BCOR: variants seen among roughly 807,000 people sequenced by gnomAD.
BCOR encodes the protein BCL6 corepressor.
BCOR carries 10 observed loss-of-function variants against 86.7 expected under a neutral mutation model. That is an observed-to-expected ratio of 0.12 (90% CI 0.07 to 0.20). The LOEUF (loss-of-function observed/expected upper bound fraction) is 0.20. BCOR is among the 10% of genes least tolerant of loss of function. BCOR has a pLI of 1.00. For synonymous variants in BCOR, 611 were observed against 609.0 expected, an observed-to-expected ratio of 1.00 and a Z score of -0.05; for missense variants, 1,259 against 1,452.1, an observed-to-expected ratio of 0.87 and a Z score of 2.16.
chrX:40,052,554 C>CTTTTTTTTTTTTTTTTTTTTT (rs1569138726), intron 14 of BCOR, among the ~76,000 whole-genome samples, 154 bp from the exon 15 acceptor site: 1 of 91,845 alleles, frequency 1.1e-5, no homozygotes. Flanking sequence ...CTCTGATCAC[C>CTTTTTTTTTTTTTTTTTTTTT]ATTTTTTTTT....
At chrX:40,103,649 C>T (rs1239700482) in intron 1 of BCOR, among the ~76,000 whole-genome samples, 1 of 99,550 alleles carries the variant, frequency 1.0e-5, no homozygotes, top group Non-Finnish European at 1.9e-5. Context: ...ATTCTGCCAC[C>T]CTTGCTTCCC....
intron 1 of BCOR, among the ~76,000 whole-genome samples, chrX:40,161,084 C>G (rs912439758): frequency 6.6e-4 from 71 of 107,745 alleles, no homozygotes; most frequent in Non-Finnish European, 1.2e-3. Flanking sequence ...TCACTGCAGC[C>G]TTGACCTCTG....
rs775358295 is a variant in BCOR, at chrX:40,063,624, G to C, written c.3831C>G (p.Pro1277=). The C allele has an allele frequency of 8.3e-7, 1 of 1,210,748 alleles. No individual in the cohort carries two copies. Residue 1277 remains proline, a synonymous_variant, in exon 8 of 15, where the codon CCC becomes CCG. Transcript: ENST00000378444. The part of the protein sequence containing the change: ...NRSWSEESLK[P]SDNEQGLPVF... ...CCCGCATACCTTGTTCATTGTCACT[G>C]GGTTTAAGAGACTCTTCCGACCAGC...
intron 1 of BCOR, among the ~76,000 whole-genome samples, chrX:40,114,774 T>A (rs1258472808): frequency 1.8e-5 from 2 of 111,305 alleles, no homozygotes; most frequent in Non-Finnish European, 3.8e-5. Flanking sequence ...TCATTTCAGT[T>A]ACTTTATCAG....
chrX:40,075,310 C>CG, intron 3 of BCOR, 130 bp from the exon 4 acceptor site: 10 of 146,349 alleles, frequency 6.8e-5, no homozygotes, highest in Non-Finnish European at 8.8e-5. Flanking sequence ...GACAGGCTTC[C>CG]GGCGGGGCGG....
At chrX:40,141,615 T>A (rs775389512) in intron 1 of BCOR, among the ~76,000 whole-genome samples, 1 of 111,511 alleles carries the variant, frequency 9.0e-6, no homozygotes, top group Admixed American at 9.5e-5. Context: ...CCAGAGAGCC[T>A]ACATTTGTCC....
chrX:40,154,429 C>G (rs771021078), intron 1 of BCOR, among the ~76,000 whole-genome samples: 1 of 112,500 alleles, frequency 8.9e-6, no homozygotes. Context: ...CCCTCCTCCC[C>G]CTTTGTTCTC....
Position 40,128,631 on chromosome X carries a change from GA to G in BCOR, c.-41+48375del, listed in dbSNP as rs753196350. Among the ~76,000 whole-genome samples, 5 of 112,257 alleles carry G rather than the reference GA, an allele frequency of 4.5e-5. No individual in the cohort carries two copies. In the South Asian group the frequency reaches 1.9e-3, roughly 42 times the overall value. The stretch of plus-strand genomic sequence containing the variant: ...AGGGCACAGCATAGATGTAACTCAG[GA>G]AATAAAAGGGAGCAGGGACCACCTT... On this transcript the variant is annotated intron_variant, in intron 1 of 14. Coordinates refer to the BCOR transcript ENST00000342274.
rs768308633 is a variant in BCOR at position 40,103,927 on chromosome X, AAGAAAAAG to A, written c.-40-25966_-40-25959del. On this transcript the variant is annotated intron_variant, in intron 1 of 14. Transcript: ENST00000342274. ...GCTCTTTTCGAAAACTGGATCAAAA[AAGAAAAAG>A]AGAAAAAGAAAAGAAAGAAAGATTT... Among the ~76,000 whole-genome samples the A allele has an allele frequency of 6.1e-3, 689 of 112,062 alleles. 4 individuals carry two copies. The highest frequency in any genetic ancestry group is 0.019 in the African/African-American group (572 of 30,780).
intron 5 of BCOR, 51 bp downstream of exon 5, chrX:40,071,586 A>G (rs767272411): frequency 1.1e-6 from 1 of 928,861 alleles, no homozygotes. Context: ...AATGAAATTT[A>G]ACTCAAAAGG....
intron 1 of BCOR, among the ~76,000 whole-genome samples, chrX:40,138,549 A>ATTAT (rs1021609356): frequency 1.2e-4 from 13 of 110,833 alleles, no homozygotes; most frequent in East Asian, 5.6e-4. Context: ...GCACTATTTT[A>ATTAT]TTATTTATTT....
At chrX:40,085,550 A>G (rs989606562) in intron 1 of BCOR, among the ~76,000 whole-genome samples, 1 of 111,674 alleles carries the variant, frequency 9.0e-6, no homozygotes, top group Non-Finnish European at 1.9e-5. Flanking sequence ...GTAGAAGTCC[A>G]TGTTAAAACT....
At chrX:40,103,958 T>C (rs1402259800) in intron 1 of BCOR, among the ~76,000 whole-genome samples, 1 of 111,420 alleles carries the variant, frequency 9.0e-6, no homozygotes, top group Admixed American at 9.5e-5. Flanking sequence ...GAAAGAAAGA[T>C]TTTCATTTGG....
chrX:40,160,682 T>A (rs1291108518), intron 1 of BCOR, among the ~76,000 whole-genome samples: 1 of 98,923 alleles, frequency 1.0e-5, no homozygotes, highest in Admixed American at 1.1e-4. Context: ...TTTTTTTTTT[T>A]AGATGGTGTC....
intron 1 of BCOR, among the ~76,000 whole-genome samples, chrX:40,111,439 A>T (rs957111717): frequency 1.8e-5 from 2 of 112,454 alleles, no homozygotes; most frequent in Non-Finnish European, 3.8e-5. Context: ...TCAGCTAGTC[A>T]TGAAGTTATT....
intron 1 of BCOR, among the ~76,000 whole-genome samples, chrX:40,158,383 A>G (rs1265661051): frequency 9.0e-6 from 1 of 111,560 alleles, no homozygotes; most frequent in Non-Finnish European, 1.9e-5. Context: ...AGGACCGCGG[A>G]GCCGCAGGCT....
At chrX:40,139,483 ATAT>A (rs1937850917) in intron 1 of BCOR, among the ~76,000 whole-genome samples, 1 of 14,836 alleles carries the variant, frequency 6.7e-5, no homozygotes, top group African/African-American at 6.4e-4. Flanking sequence ...ATATATATAT[ATAT>A]ATATATATAT....
At chrX:40,141,186 A>G (rs756503228) in intron 1 of BCOR, among the ~76,000 whole-genome samples, 2 of 112,354 alleles carry the variant, frequency 1.8e-5, no homozygotes, top group South Asian at 7.3e-4. Flanking sequence ...ACGGGGCCTG[A>G]GCAGTGGGCT....
Position 40,072,999 on chromosome X carries a change from T to C in BCOR, c.2347A>G (p.Lys783Glu), listed in dbSNP as rs751418041. ...CAGTTGGGGTTCGGCTTTAGGTTCTTGTCGGTGGGGACATCTGGATGTAAC... is the reference window on the plus strand; with the variant it reads ...CAGTTGGGGTTCGGCTTTAGGTTCTCGTCGGTGGGGACATCTGGATGTAAC... ...TKLHPDVPTD[K>E]NLKPNPNWNQ... The change falls in exon 4 of 15, where the codon AAG becomes GAG. Residue 783 changes from lysine to glutamate, a missense_variant. Around this residue, in one of 7 missense-constraint regions of BCOR, gnomAD observed 534 missense variants for 594.8 expected, o/e 0.90. Transcript: ENST00000378444. 3.3e-6 allele frequency: 4 copies of C among 1,210,688 alleles called. No homozygotes were observed. The Admixed American group carries it at 6.5e-5, about 20-fold the overall frequency.
Sources: allele counts gnomAD v4.1 joint callset (sites outside exome capture counted in the v4.1 genomes callset), GRCh38; gene constraint gnomAD v4.1.1; regional missense constraint gnomAD v4.1.1; transcripts MANE v1.5; gene names NCBI Gene and HGNC (gene_info 2026-07-23, HGNC 2026-07-21).